ZNF287: variants seen among roughly 807,000 people sequenced by gnomAD.
The protein encoded by ZNF287 is zinc finger protein 287.
A neutral mutation model predicts 73.7 loss-of-function variants in ZNF287; 31 were observed. That is an observed-to-expected ratio of 0.42 (90% CI 0.32 to 0.57). The LOEUF is 0.57. ZNF287 is among the 20% of genes least tolerant of loss of function. ZNF287 has a pLI of 0.13. For synonymous variants in ZNF287, 301 were observed against 307.2 expected, an observed-to-expected ratio of 0.98 and a Z score of 0.21; for missense variants, 641 against 909.3, an observed-to-expected ratio of 0.70 and a Z score of 3.79.
At chr17:16,568,462 T>C (rs1907883733) in intron 1 of ZNF287, among the ~76,000 whole-genome samples, 1 of 152,162 alleles carries the variant, frequency 6.6e-6, no homozygotes, top group South Asian at 2.1e-4. Flanking sequence ...CGGGTTGGAC[T>C]GGAAAAGAGT....
intron 5 of ZNF287, chr17:16,559,233 T>C (rs1291988141): frequency 6.6e-6 from 1 of 152,108 alleles, no homozygotes; most frequent in African/African-American, 2.4e-5. Flanking sequence ...TTCTCAGCCA[T>C]GTTACTGTTT....
intron 5 of ZNF287, among the ~76,000 whole-genome samples, chr17:16,560,690 A>G: frequency 6.6e-6 from 1 of 152,046 alleles, no homozygotes; most frequent in East Asian, 1.9e-4. Context: ...AATCATTTAG[A>G]AAAGATGACT....
Position 16,557,088 on chromosome 17 carries a change from C to T in ZNF287, c.716-3662G>A, listed in dbSNP as rs557751281. ...TCTCGAACTCCTGACCTCAGGTGAT[C>T]GCCCGCCTCAGCCTCCCAAAGTGCT... On this transcript the variant is annotated intron_variant, in intron 5 of 5. Coordinates refer to ENST00000395825, the MANE Select transcript of ZNF287 (RefSeq NM_020653.4). Among the ~76,000 whole-genome samples, 5 of 152,140 alleles carry T rather than the reference C, an allele frequency of 3.3e-5. No homozygotes were observed. The East Asian group carries it at 5.8e-4, about 18-fold the overall frequency.
rs778693409 is a variant in ZNF287 at position 16,551,186 on chromosome 17, T to A, written c.*670A>T. Among the ~76,000 whole-genome samples, 6 of 152,098 alleles carry A rather than the reference T, an allele frequency of 3.9e-5. No homozygotes were observed. Among genetic ancestry groups the A allele is most frequent in the Non-Finnish European group, 7.4e-5 (5 of 67,994 alleles). On this transcript the variant is annotated 3_prime_UTR_variant, in exon 6 of 6. Transcript: ENST00000395825. ...GGAAGTAAAACAGGGAAGGGAGTCC[T>A]TTACATATTTTAAGGCTTCAAAGCT...
intron 3 of ZNF287, 136 bp downstream of exon 3, chr17:16,566,389 A>G: frequency 1.6e-6 from 1 of 638,634 alleles, no homozygotes; most frequent in Non-Finnish European, 2.7e-6. Flanking sequence ...TAACAGACCA[A>G]GATAACATAG....
intron 5 of ZNF287, among the ~76,000 whole-genome samples, chr17:16,561,236 C>T (rs998210534): frequency 6.6e-6 from 1 of 152,162 alleles, no homozygotes; most frequent in Non-Finnish European, 1.5e-5. Flanking sequence ...ATTGCTTGAA[C>T]TCAGGAGGCA....
At position 16,553,401 on chromosome 17, in the gene ZNF287, A is replaced by C. The variant is rs780018522; in HGVS notation, c.741T>G (p.Cys247Trp). The C allele has an allele frequency of 5.8e-6, 9 of 1,558,038 alleles. No homozygotes were observed. The highest frequency in any genetic ancestry group is 7.8e-6 in the Non-Finnish European group (9 of 1,155,678). Residue 247 changes from cysteine to tryptophan, a missense_variant, in exon 6 of 6, where the codon TGT becomes TGG. Cys to Trp is a radical substitution (Grantham distance 215). Around this residue, in one of 2 missense-constraint regions of ZNF287, gnomAD observed 357 missense variants for 442.4 expected, o/e 0.81. Transcript: ENST00000395825. The part of the protein sequence containing the change: ...SPEWETKAQA[C>W]TPVEDMSKLT... The stretch of plus-strand genomic sequence containing the variant: ...GTTTAGACATATCCTCCACTGGAGT[A>C]CATGCTTGGGCTTTAGTTTCCCATT...
At chr17:16,565,040 A>C (rs1354177098) in intron 3 of ZNF287, among the ~76,000 whole-genome samples, 1 of 151,484 alleles carries the variant, frequency 6.6e-6, no homozygotes, top group East Asian at 2.0e-4. Flanking sequence ...TTTTTCATAT[A>C]ATTGTCAGTA....
At position 16,551,079 on chromosome 17, in the gene ZNF287, T is replaced by C. The variant is rs146193272; in HGVS notation, c.*777A>G. On this transcript the variant is annotated 3_prime_UTR_variant, in exon 6 of 6. Transcript: ENST00000395825. ...AGGGAAGGTGTAACCAGTGGTCACA[T>C]AGAAATCTTTAAGATACTTCCAACT... Among the ~76,000 whole-genome samples the C allele has an allele frequency of 2.3e-3, 344 of 152,300 alleles. 2 individuals are homozygous for C. The highest frequency in any genetic ancestry group is 7.8e-3 in the African/African-American group (325 of 41,564).
chr17:16,557,808 G>A (rs961794075), intron 5 of ZNF287, among the ~76,000 whole-genome samples: 2 of 152,158 alleles, frequency 1.3e-5, no homozygotes, highest in African/African-American at 4.8e-5. Context: ...TACACACTAT[G>A]TAAGAACAGG....
chr17:16,552,132 A>G lies in ZNF287; in HGVS notation c.2010T>C (p.His670=). Residue 670 remains histidine, a synonymous_variant, in exon 6 of 6, where the codon CAT becomes CAC. Coordinates refer to ENST00000395825, the MANE Select transcript of ZNF287 (RefSeq NM_020653.4). The surrounding 1 kb of genome is among the most constrained non-coding windows in gnomAD (Gnocchi z 6.5). ...GANLTQHQRI[H]TGEKPYKCNE... ...TACATTTATAGGGTTTTTCTCCAGT[A>G]TGAATCCTTTGATGCTGAGTAAGAT... 2 of 1,614,090 alleles carry G rather than the reference A, an allele frequency of 1.2e-6. No individual in the cohort carries two copies. The highest frequency in any genetic ancestry group is 1.7e-6 in the Non-Finnish European group (2 of 1,179,966).
rs1436427653 is a variant in ZNF287, at chr17:16,552,835, C to T, written c.1307G>A (p.Arg436His). ...TCTCTGATGTATAGTAAGGTGTGCA[C>T]GCTGGCTGAAGGCTTTACCACACTG... ...CHQCGKAFSQ[R>H]AHLTIHQRIH... The change falls in exon 6 of 6, where the codon CGT becomes CAT. Residue 436 changes from arginine to histidine, a missense_variant. Around this residue, in one of 2 missense-constraint regions of ZNF287, gnomAD observed 284 missense variants for 466.8 expected, o/e 0.61. Transcript: ENST00000395825. The surrounding 1 kb of genome is among the most constrained non-coding windows in gnomAD (Gnocchi z 6.5). 22 of 1,613,970 alleles carry T rather than the reference C, an allele frequency of 1.4e-5. No homozygotes were observed. Among genetic ancestry groups the T allele is most frequent in the South Asian group, 4.4e-5 (4 of 91,080 alleles).
chr17:16,562,896 A>T (rs1441066850), intron 5 of ZNF287, among the ~76,000 whole-genome samples: 1 of 152,168 alleles, frequency 6.6e-6, no homozygotes, highest in East Asian at 1.9e-4. Context: ...AGCTCTTAAG[A>T]GATGGGACCT....
intron 4 of ZNF287, among the ~76,000 whole-genome samples, chr17:16,563,442 A>G (rs908391782): frequency 6.6e-6 from 1 of 152,226 alleles, no homozygotes; most frequent in African/African-American, 2.4e-5. Context: ...ATGTGAAGGA[A>G]GAAACATTCC....
intron 5 of ZNF287, 121 bp from the exon 6 acceptor site, chr17:16,553,547 A>C: frequency 2.6e-6 from 2 of 766,184 alleles, no homozygotes; most frequent in Non-Finnish European, 3.8e-6. Context: ...AAACCTCATC[A>C]TCATGGTCTT....
rs776769837 is a variant in ZNF287, at chr17:16,552,992, G to A, written c.1150C>T (p.Leu384=). The A allele has an allele frequency of 1.7e-5, 28 of 1,613,952 alleles. No individual in the cohort carries two copies. The highest frequency in any genetic ancestry group is 1.0e-4 in the Admixed American group (6 of 59,996). Residue 384 remains leucine, a synonymous_variant, in exon 6 of 6, where the codon CTG becomes TTG. Coordinates refer to ENST00000395825, the MANE Select transcript of ZNF287 (RefSeq NM_020653.4). This position sits in a 1 kb window ranked among gnomAD's most constrained non-coding sequence, Gnocchi z 6.5. ...GKKFRKYPSL[L]KHQSTHAKEK... Reference sequence around the variant, plus strand: ...TTGGCATGGGTACTTTGGTGTTTCAGGAGGGATGGGTATTTCCTAAATTTT... The same window carrying A: ...TTGGCATGGGTACTTTGGTGTTTCAAGAGGGATGGGTATTTCCTAAATTTT...
At chr17:16,555,063 G>T (rs1376082043) in intron 5 of ZNF287, among the ~76,000 whole-genome samples, 1 of 152,170 alleles carries the variant, frequency 6.6e-6, no homozygotes, top group Non-Finnish European at 1.5e-5. Flanking sequence ...GGCTTTATAT[G>T]AGTACAGTCA....
Position 16,553,079 on chromosome 17 carries a change from C to T in ZNF287, c.1063G>A (p.Gly355Ser), listed in dbSNP as rs763603273. 2 of 1,614,134 alleles carry T rather than the reference C, an allele frequency of 1.2e-6. No individual in the cohort carries two copies. Among genetic ancestry groups the T allele is most frequent in the East Asian group, 2.2e-5 (1 of 44,888 alleles). ...GRATFNHVSY[G>S]IVHRKILPGE... ...GGAAGTATTTTCCTATGTACAATAC[C>T]ATATGAGACATGATTGAAGGTTGCC... is the stretch of plus-strand genomic sequence containing the variant. Residue 355 changes from glycine (G) to serine (S), a missense_variant, in exon 6 of 6, where the codon GGT becomes AGT. Transcript: ENST00000395825.
At position 16,553,733 on chromosome 17, in the gene ZNF287, T is replaced by G. The variant is rs559070628; in HGVS notation, c.716-307A>C. On this transcript the variant is annotated intron_variant, in intron 5 of 5. Coordinates refer to ENST00000395825, the MANE Select transcript of ZNF287 (RefSeq NM_020653.4). ...CTGTGTGGGATAACTTGGGATGGCC[T>G]CATGGATTAATTTATGTAATGTGTT... 2.0e-3 allele frequency among the ~76,000 whole-genome samples: 300 copies of G among 152,324 alleles called. 1 individual carries two copies. Among genetic ancestry groups the G allele is most frequent in the African/African-American group, 6.9e-3 (288 of 41,564 alleles).
Sources: allele counts gnomAD v4.1 joint callset (sites outside exome capture counted in the v4.1 genomes callset), GRCh38; gene constraint gnomAD v4.1.1; regional missense constraint gnomAD v4.1.1; non-coding constraint Gnocchi (gnomAD v3.1); transcripts MANE v1.5; gene names NCBI Gene and HGNC (gene_info 2026-07-23, HGNC 2026-07-21).